The following BCL2 variants were observed in gnomAD, a reference collection of about 807,000 sequenced individuals.
BCL2 encodes apoptosis regulator Bcl-2.
In BCL2, 1 loss-of-function variant was observed where a neutral mutation model predicts 14.2. The ratio of observed to expected loss-of-function variants is 0.07; its 90% CI spans 0.02 to 0.33. The LOEUF is 0.33. Ranked by LOEUF, BCL2 falls within the 10% of genes least tolerant of loss-of-function variation. The probability of loss-of-function intolerance (pLI) is 0.99; values close to 1 mark genes in which losing one functional copy is unlikely to be tolerated. For synonymous variants in BCL2, 151 were observed against 137.2 expected, an observed-to-expected ratio of 1.10 and a Z score of -0.70; for missense variants, 247 against 305.9, an observed-to-expected ratio of 0.81 and a Z score of 1.44.
Position 63,190,747 on chromosome 18 carries a change from C to T in BCL2, c.586-61988G>A, listed in dbSNP as rs112674828. ...GGGATACATGTGCACCATGTACAGG[C>T]TTGTGACATAGGTAAACGTGTGCCA... is the stretch of plus-strand genomic sequence containing the variant. On this transcript the variant is annotated intron_variant, in intron 2 of 2. Transcript: ENST00000333681. Among the ~76,000 whole-genome samples the T allele has an allele frequency of 5.8e-3, 880 of 152,192 alleles. 7 individuals carry two copies. The highest frequency in any genetic ancestry group is 0.02 in the African/African-American group (843 of 41,558).
intron 2 of BCL2, chr18:63,302,685 GAT>G (rs1452767295): frequency 1.0e-6 from 1 of 984,122 alleles, no homozygotes; most frequent in African/African-American, 1.7e-5. Context: ...TAACACAAGA[GAT>G]ATATAAATAA....
chr18:63,270,024 T>C (rs1274690315), intron 2 of BCL2, among the ~76,000 whole-genome samples: 1 of 152,150 alleles, frequency 6.6e-6, no homozygotes, highest in Non-Finnish European at 1.5e-5. Flanking sequence ...TTTAAAGTGC[T>C]CATTATACTC....
rs1913923159 is a variant in BCL2, at chr18:63,126,866, G to C, written c.*1759C>G. 1 of 227,690 alleles carries C rather than the reference G, an allele frequency of 4.4e-6. No individual in the cohort carries two copies. The highest frequency in any genetic ancestry group is 2.2e-5 in the African/African-American group (1 of 44,964). The allele number at this position is 227,690 out of a possible 1,614,324, so 14.1% of individuals were successfully genotyped here. A position where few individuals can be genotyped will look rare whatever the true frequency, so the allele number is the denominator to read the frequency against. ...ACCACAGCATTAAACATTGAACAGAGTACATTCCAAAGTTAATACAGATAA... is the reference window on the plus strand; with the variant it reads ...ACCACAGCATTAAACATTGAACAGACTACATTCCAAAGTTAATACAGATAA... On this transcript the variant is annotated 3_prime_UTR_variant, in exon 3 of 3. Transcript: ENST00000333681.
intron 2 of BCL2, among the ~76,000 whole-genome samples, chr18:63,137,610 G>T (rs112045920): frequency 5.9e-5 from 9 of 152,246 alleles, no homozygotes; most frequent in African/African-American, 2.2e-4. Context: ...GGGACTGATG[G>T]TTAGCCGGTT....
In BCL2 at chr18:63,211,684, T is replaced by C. The variant is rs929563664; in HGVS notation, c.586-82925A>G. 2.6e-5 allele frequency among the ~76,000 whole-genome samples: 4 copies of C among 152,324 alleles called. No individual in the cohort carries two copies. In the East Asian group the frequency reaches 5.8e-4, roughly 22 times the overall value. On this transcript the variant is annotated intron_variant, in intron 2 of 2. Transcript: ENST00000333681. ...TAAATAGGTACTCGACGATAGTATG[T>C]GTTGTTGCTGTGTAGTTCTTTTGCT... is the stretch of plus-strand genomic sequence containing the variant.
intron 2 of BCL2, among the ~76,000 whole-genome samples, chr18:63,211,805 C>G (rs573992940): frequency 6.6e-6 from 1 of 152,232 alleles, no homozygotes; most frequent in African/African-American, 2.4e-5. Context: ...AGCCATGCCA[C>G]GCAAAGGTCC....
At chr18:63,147,729 T>C (rs1358900097) in intron 2 of BCL2, among the ~76,000 whole-genome samples, 2 of 152,208 alleles carry the variant, frequency 1.3e-5, no homozygotes, top group African/African-American at 4.8e-5. Context: ...TTAAGGGATG[T>C]CTTCTCTGGA....
At chr18:63,274,535 T>C (rs1211528042) in intron 2 of BCL2, among the ~76,000 whole-genome samples, 2 of 152,184 alleles carry the variant, frequency 1.3e-5, no homozygotes, top group Non-Finnish European at 2.9e-5. Context: ...TCTGCCCATC[T>C]TGGACTCCCA....
At chr18:63,266,872 T>C (rs1911848267) in intron 2 of BCL2, among the ~76,000 whole-genome samples, 2 of 152,250 alleles carry the variant, frequency 1.3e-5, no homozygotes, top group African/African-American at 4.8e-5. Context: ...AGCCTTTAGG[T>C]CAGTGCCTGG....
chr18:63,197,456 C>T (rs1396391078), intron 2 of BCL2, among the ~76,000 whole-genome samples: 1 of 152,198 alleles, frequency 6.6e-6, no homozygotes, highest in African/African-American at 2.4e-5. Flanking sequence ...ATTTGTCCTG[C>T]TTGAATTGTG....
chr18:63,153,761 C>T (rs1035289789), intron 2 of BCL2, among the ~76,000 whole-genome samples: 2 of 152,116 alleles, frequency 1.3e-5, no homozygotes, highest in Admixed American at 6.5e-5. Context: ...CATGAGGTCC[C>T]CACCTGGAAT....
chr18:63,154,280 T>A lies in BCL2; in HGVS notation c.586-25521A>T, dbSNP rs57526567. Among the ~76,000 whole-genome samples the A allele has an allele frequency of 3.9e-5, 6 of 152,274 alleles. No homozygotes were observed. In the East Asian group the frequency reaches 1.2e-3, roughly 29 times the overall value. On this transcript the variant is annotated intron_variant, in intron 2 of 2. Transcript: ENST00000333681. ...CTCTTTCTGGTCTTACAGAAGCCAC[T>A]TCTGTTCACCCCACTGCATGGCTTA...
At chr18:63,206,621 C>T (rs182798563) in intron 2 of BCL2, among the ~76,000 whole-genome samples, 1 of 152,318 alleles carries the variant, frequency 6.6e-6, no homozygotes, top group East Asian at 1.9e-4. Context: ...CTTCGCCACA[C>T]AGAACAACAA....
At chr18:63,180,431 G>A (rs1041680950) in intron 2 of BCL2, among the ~76,000 whole-genome samples, 5 of 152,256 alleles carry the variant, frequency 3.3e-5, no homozygotes, top group African/African-American at 4.8e-5. Flanking sequence ...GGCTTGCTCC[G>A]ATTCCCCGGC....
At chr18:63,144,237 A>C (rs1914449127) in intron 2 of BCL2, among the ~76,000 whole-genome samples, 1 of 152,204 alleles carries the variant, frequency 6.6e-6, no homozygotes, top group Non-Finnish European at 1.5e-5. Context: ...CAATCCAACC[A>C]TAGGCAAACC....
At chr18:63,301,249 G>A (rs905626565) in intron 2 of BCL2, among the ~76,000 whole-genome samples, 1 of 152,194 alleles carries the variant, frequency 6.6e-6, no homozygotes, top group African/African-American at 2.4e-5. Flanking sequence ...ATAGTTTAAT[G>A]GGTAGAGTTT....
intron 2 of BCL2, among the ~76,000 whole-genome samples, chr18:63,272,141 A>G (rs1460914086): frequency 6.6e-6 from 1 of 152,230 alleles, no homozygotes; most frequent in Non-Finnish European, 1.5e-5. Context: ...GGAGACTTCA[A>G]CCCAGCTGAC....
intron 2 of BCL2, among the ~76,000 whole-genome samples, chr18:63,309,617 G>A (rs949429048): frequency 3.9e-5 from 6 of 151,910 alleles, no homozygotes; most frequent in Non-Finnish European, 5.9e-5. Context: ...GGTCTCCCCC[G>A]TCCAGGCTCA....
At chr18:63,315,399 A>G (rs1913463901) in intron 2 of BCL2, 1 of 152,174 alleles carries the variant, frequency 6.6e-6, no homozygotes, top group South Asian at 2.1e-4. Context: ...GGGACAATCT[A>G]TCAGAGGCTG....
Sources: allele counts gnomAD v4.1 joint callset (sites outside exome capture counted in the v4.1 genomes callset), GRCh38; gene constraint gnomAD v4.1.1; transcripts MANE v1.5; gene names NCBI Gene and HGNC (gene_info 2026-07-23, HGNC 2026-07-21).